HSDL1: variants seen among roughly 807,000 people sequenced by gnomAD.
HSDL1 encodes the protein inactive hydroxysteroid dehydrogenase-like protein 1.
In HSDL1, 29 loss-of-function variants were observed where a neutral mutation model predicts 31.5. That is an observed-to-expected ratio of 0.92 (90% CI 0.69 to 1.26). The LOEUF (loss-of-function observed/expected upper bound fraction) is 1.26, where lower values mean the gene tolerates loss of function less well. HSDL1 is among the 50% of genes most tolerant of loss of function. The probability of loss-of-function intolerance (pLI) is 0.00; values close to 1 mark genes in which losing one functional copy is unlikely to be tolerated. For synonymous variants in HSDL1, 222 were observed against 155.2 expected (o/e 1.43, Z -3.20); for missense variants, 503 against 416.6 (o/e 1.21, Z -1.81).
chr16:84,131,818 T>A (rs1278275319), intron 2 of HSDL1, among the ~76,000 whole-genome samples: 1 of 152,146 alleles, frequency 6.6e-6, no homozygotes, highest in African/African-American at 2.4e-5. Context: ...TAGCTGGGAC[T>A]ACAGGCGCCC....
intron 2 of HSDL1, among the ~76,000 whole-genome samples, chr16:84,132,810 A>C (rs117948338): frequency 0.015 from 2,221 of 152,268 alleles, 24 homozygotes; most frequent in Non-Finnish European, 0.024. Context: ...TGCGAAAGAC[A>C]AAATATCAAA....
intron 1 of HSDL1, among the ~76,000 whole-genome samples, chr16:84,142,399 TGTGATG>T (rs2086776757): frequency 6.6e-6 from 1 of 151,628 alleles, no homozygotes; most frequent in African/African-American, 2.4e-5. Context: ...CCTGGCGTTT[TGTGATG>T]GTGTGAGGCT....
At chr16:84,141,117 A>G (rs144331305) in intron 1 of HSDL1, among the ~76,000 whole-genome samples, 7 of 152,032 alleles carry the variant, frequency 4.6e-5, no homozygotes, top group African/African-American at 1.7e-4. Context: ...AGTATTGCTA[A>G]GTTTCGCCTG....
chr16:84,127,688 C>T (rs1424305270), intron 5 of HSDL1, among the ~76,000 whole-genome samples: 7 of 147,956 alleles, frequency 4.7e-5, no homozygotes, highest in South Asian at 4.2e-4. Context: ...AAAAAAAATT[C>T]GGACCAGGTA....
chr16:84,135,976 C>T (rs2086708569), intron 1 of HSDL1, among the ~76,000 whole-genome samples: 1 of 152,256 alleles, frequency 6.6e-6, no homozygotes, highest in Admixed American at 6.5e-5. Flanking sequence ...GGGAAGAGAG[C>T]AGCCACAGCT....
intron 2 of HSDL1, among the ~76,000 whole-genome samples, chr16:84,132,282 G>C (rs895851921): frequency 6.6e-6 from 1 of 152,140 alleles, no homozygotes; most frequent in Non-Finnish European, 1.5e-5. Flanking sequence ...CAAAGGAGAT[G>C]AAACAGAGGT....
rs938131933 is a variant in HSDL1 at position 84,124,596 on chromosome 16, G to T, written c.*34C>A. ...AATGTCAGAATATCGAGGTTCCCAG[G>T]AGTTGGCAAAACTTCTCAAGTGGCC... On this transcript the variant is annotated 3_prime_UTR_variant, in exon 6 of 6. Coordinates refer to ENST00000219439, the MANE Select transcript of HSDL1 (RefSeq NM_031463.5). 6 of 1,317,838 alleles carry T rather than the reference G, an allele frequency of 4.6e-6. No homozygotes were observed. In the Admixed American group the frequency reaches 1.0e-4, roughly 22 times the overall value. The allele number at this position is 1,317,838 out of a possible 1,614,324, so 81.6% of individuals were successfully genotyped here.
At chr16:84,126,431 T>C (rs1395915923) in intron 5 of HSDL1, among the ~76,000 whole-genome samples, 2 of 152,080 alleles carry the variant, frequency 1.3e-5, no homozygotes, top group African/African-American at 4.8e-5. Flanking sequence ...TACTGGTATC[T>C]AGTGGGTGGA....
At chr16:84,135,021 C>T (rs2086699771) in intron 2 of HSDL1, among the ~76,000 whole-genome samples, 1 of 152,104 alleles carries the variant, frequency 6.6e-6, no homozygotes, top group African/African-American at 2.4e-5. Context: ...ATCACGAGGT[C>T]AGGAGATCAA....
In HSDL1 at chr16:84,123,074, C is replaced by T. The variant is rs575501325; in HGVS notation, c.*1556G>A. 9 of 152,298 alleles carry T rather than the reference C, an allele frequency of 5.9e-5. No individual in the cohort carries two copies. The South Asian group carries it at 1.4e-3, about 25-fold the overall frequency. 9.4% of individuals were successfully genotyped at this position (152,298 alleles called of 1,614,324 possible). ...GGATTCCAAGCAAACTCCATCAAAA[C>T]CTTGGGGCTCACAGCATCTCCCAGT... On this transcript the variant is annotated 3_prime_UTR_variant, in exon 6 of 6. Transcript: ENST00000219439.
Position 84,130,443 on chromosome 16 carries a change from G to A in HSDL1, c.221-12C>T, listed in dbSNP as rs1339918467. ...CCCATCTGTTGCACCTAGGATGCAAGTCAGGAAAAGTGAGCATGTGTATTT... is the reference window on the plus strand; with the variant it reads ...CCCATCTGTTGCACCTAGGATGCAAATCAGGAAAAGTGAGCATGTGTATTT... On this transcript the variant is annotated splice_polypyrimidine_tract_variant and intron_variant, in intron 3 of 5. Transcript: ENST00000219439. 4.4e-6 allele frequency: 7 copies of A among 1,591,406 alleles called. No homozygotes were observed. The highest frequency in any genetic ancestry group is 6.0e-6 in the Non-Finnish European group (7 of 1,168,178).
chr16:84,130,324 C>T lies in HSDL1; in HGVS notation c.328G>A (p.Asp110Asn). 2 of 1,614,206 alleles carry T rather than the reference C, an allele frequency of 1.2e-6. No individual in the cohort carries two copies. The highest frequency in any genetic ancestry group is 1.7e-6 in the Non-Finnish European group (2 of 1,180,048). ...NEEKLQVVAK[D>N]IADTYKVETD... Reference sequence around the variant, plus strand: ...TCCACTTTGTACGTGTCGGCTATGTCTTTAGCAACAACCTGCAACTTCTCC... The same window carrying T: ...TCCACTTTGTACGTGTCGGCTATGTTTTTAGCAACAACCTGCAACTTCTCC... Residue 110 changes from aspartate to asparagine, a missense_variant, in exon 4 of 6, where the codon GAC becomes AAC. Physicochemically the swap from Asp to Asn is conservative, Grantham distance 23. Coordinates refer to ENST00000219439, the MANE Select transcript of HSDL1 (RefSeq NM_031463.5).
intron 5 of HSDL1, among the ~76,000 whole-genome samples, chr16:84,126,011 G>A (rs1027450255): frequency 6.6e-6 from 1 of 150,914 alleles, no homozygotes; most frequent in Non-Finnish European, 1.5e-5. Context: ...GCAGAGGCAG[G>A]AAAATGGTGT....
At chr16:84,126,905 G>C (rs965786048) in intron 5 of HSDL1, among the ~76,000 whole-genome samples, 1 of 152,142 alleles carries the variant, frequency 6.6e-6, no homozygotes, top group Non-Finnish European at 1.5e-5. Context: ...AATGAAAACA[G>C]AAAGTTTTAA....
chr16:84,122,252 C>T lies in HSDL1; in HGVS notation c.*2378G>A, dbSNP rs972457987. ...TTCTCTCATTCCAAATTACAAACAA[C>T]CAAATTACAAACATCTGGAACAAAA... On this transcript the variant is annotated 3_prime_UTR_variant, in exon 6 of 6. Coordinates refer to ENST00000219439, the MANE Select transcript of HSDL1 (RefSeq NM_031463.5). 9 of 152,424 alleles carry T rather than the reference C, an allele frequency of 5.9e-5. No individual in the cohort carries two copies. Among genetic ancestry groups the T allele is most frequent in the African/African-American group, 1.9e-4 (8 of 41,270 alleles). The allele number at this position is 152,424 out of a possible 1,614,324, so 9.4% of individuals were successfully genotyped here. A position where few individuals can be genotyped will look rare whatever the true frequency, so the allele number is the denominator to read the frequency against.
chr16:84,137,308 G>A (rs868412843), intron 1 of HSDL1, among the ~76,000 whole-genome samples: 24 of 152,216 alleles, frequency 1.6e-4, no homozygotes, highest in African/African-American at 5.1e-4. Flanking sequence ...GGCCTACTCG[G>A]GAAACATTAG....
At chr16:84,138,822 A>G (rs1382998206) in intron 1 of HSDL1, among the ~76,000 whole-genome samples, 1 of 152,208 alleles carries the variant, frequency 6.6e-6, no homozygotes, top group African/African-American at 2.4e-5. Flanking sequence ...TACAACTACA[A>G]AAGCGTCACG....
intron 1 of HSDL1, among the ~76,000 whole-genome samples, chr16:84,136,021 G>T (rs1172114167): frequency 1.3e-5 from 2 of 152,240 alleles, no homozygotes; most frequent in Non-Finnish European, 2.9e-5. Context: ...GTGCCTGTCT[G>T]GGTTTCACCT....
Position 84,130,248 on chromosome 16 carries a change from G to C in HSDL1, c.404C>G (p.Pro135Arg). The C allele has an allele frequency of 1.2e-6, 2 of 1,614,174 alleles. No individual in the cohort carries two copies. Among genetic ancestry groups the C allele is most frequent in the Non-Finnish European group, 1.7e-6 (2 of 1,180,040 alleles). The change falls in exon 4 of 6, where the codon CCA becomes CGA. Residue 135 changes from proline (P) to arginine (R), a missense_variant. Physicochemically the swap from Pro to Arg is moderately radical, Grantham distance 103 (BLOSUM62 -2). Transcript: ENST00000219439. ...DFSSGREIYL[P>R]IREALKDKDV... ...TTTGTCCTTCAGGGCTTCTCGAATT[G>C]GAAGGTAGATCTCACGACCGCTGCT...
Sources: allele counts gnomAD v4.1 joint callset (sites outside exome capture counted in the v4.1 genomes callset), GRCh38; gene constraint gnomAD v4.1.1; transcripts MANE v1.5; gene names NCBI Gene and HGNC (gene_info 2026-07-23, HGNC 2026-07-21).